ASTN2: variants seen among roughly 807,000 people sequenced by gnomAD.
ASTN2 encodes the protein astrotactin-2.
A neutral mutation model predicts 139.8 loss-of-function variants in ASTN2; 54 were observed. That is an observed-to-expected ratio of 0.39 (90% CI 0.31 to 0.48). ASTN2 has a LOEUF of 0.48. Ranked by LOEUF, ASTN2 falls within the 20% of genes least tolerant of loss-of-function variation. The pLI is 0.95. For synonymous variants in ASTN2, 756 were observed against 719.5 expected (o/e 1.05, Z -0.81); for missense variants, 1,565 against 1,725.1 (o/e 0.91, Z 1.64).
At chr9:117,250,856 G>A (rs1427072945) in intron 2 of ASTN2, among the ~76,000 whole-genome samples, 4 of 152,180 alleles carry the variant, frequency 2.6e-5, no homozygotes, top group African/African-American at 9.7e-5. Context: ...CTTCTAGGAG[G>A]AAGTAATATC....
chr9:116,733,372 G>GGGAA (rs1317989865), intron 14 of ASTN2, 27 bp downstream of exon 14: 1 of 1,580,140 alleles, frequency 6.3e-7, no homozygotes, highest in Non-Finnish European at 8.6e-7. Flanking sequence ...CAGGGAACCT[G>GGGAA]GGAAGGGTCT....
intron 16 of ASTN2, among the ~76,000 whole-genome samples, chr9:116,658,989 T>A (rs1437282621): frequency 1.3e-5 from 2 of 152,138 alleles, no homozygotes; most frequent in Admixed American, 6.6e-5. Flanking sequence ...ATAGATTAGA[T>A]GTGGTCTGCT....
rs564109778 is a variant in ASTN2, at chr9:117,278,039, G to A, written c.630+13287C>T. Among the ~76,000 whole-genome samples the A allele has an allele frequency of 4.6e-4, 70 of 152,248 alleles. No homozygotes were observed. In the South Asian group the frequency reaches 0.015, roughly 32 times the overall value. ...TTACAGGGGGTAAAAATAATTAGTG[G>A]TTTTAAATGCTTTAATACAAGCAGG... On this transcript the variant is annotated intron_variant, in intron 2 of 22. Coordinates refer to ENST00000313400, the MANE Select transcript of ASTN2 (RefSeq NM_001365068.1).
intron 13 of ASTN2, among the ~76,000 whole-genome samples, chr9:116,777,330 G>A (rs1223837455): frequency 6.6e-6 from 1 of 152,036 alleles, no homozygotes; most frequent in African/African-American, 2.4e-5. Flanking sequence ...CCTTCCTATG[G>A]GGCAGGTGTC....
intron 10 of ASTN2, among the ~76,000 whole-genome samples, chr9:116,870,536 G>C (rs992883449): frequency 6.6e-6 from 1 of 152,070 alleles, no homozygotes; most frequent in African/African-American, 2.4e-5. Context: ...ATATAACCCA[G>C]ACATTGTGCA....
chr9:117,336,770 G>A (rs1038431567), intron 1 of ASTN2, among the ~76,000 whole-genome samples: 3 of 152,156 alleles, frequency 2.0e-5, no homozygotes, highest in Non-Finnish European at 4.4e-5. Flanking sequence ...TTCCCATATG[G>A]CCCCACCCCT....
intron 2 of ASTN2, chr9:117,276,845 A>G (rs527322261): frequency 6.6e-6 from 1 of 152,222 alleles, no homozygotes; most frequent in African/African-American, 2.4e-5. Context: ...ATTTCACTTG[A>G]TGTACCACAA....
chr9:116,935,577 G>GA (rs967147559), intron 10 of ASTN2, among the ~76,000 whole-genome samples: 29 of 150,914 alleles, frequency 1.9e-4, no homozygotes, highest in African/African-American at 5.6e-4. Context: ...GCAAAAAAAA[G>GA]AAAAAAAAAG....
At chr9:116,946,423 A>C (rs1430551821) in intron 10 of ASTN2, among the ~76,000 whole-genome samples, 1 of 151,598 alleles carries the variant, frequency 6.6e-6, no homozygotes, top group Non-Finnish European at 1.5e-5. Context: ...CCCCAACTTA[A>C]ACTCCCCTCT....
At chr9:116,704,526 T>C (rs1369293194) in intron 16 of ASTN2, among the ~76,000 whole-genome samples, 1 of 152,216 alleles carries the variant, frequency 6.6e-6, no homozygotes, top group Non-Finnish European at 1.5e-5. Flanking sequence ...AATGGGATAG[T>C]ATATGTAAAA....
rs1847543038 is a variant in ASTN2 at position 116,432,920 on chromosome 9, A to G, written c.3783-6832T>C. Among the ~76,000 whole-genome samples the G allele has an allele frequency of 2.0e-5, 3 of 150,292 alleles. No individual in the cohort carries two copies. The South Asian group carries it at 7.5e-4, about 37-fold the overall frequency. The stretch of plus-strand genomic sequence containing the variant: ...ACTCCAGCCTGGGTGACAGAGCAAG[A>G]CTCCATCTTGGGGAAGGAAGGAAGG... On this transcript the variant is annotated intron_variant, in intron 22 of 22. Transcript: ENST00000313400.
At chr9:116,963,038 C>T (rs1835913844) in intron 10 of ASTN2, among the ~76,000 whole-genome samples, 1 of 152,138 alleles carries the variant, frequency 6.6e-6, no homozygotes, top group Admixed American at 6.5e-5. Context: ...CCATGAACTC[C>T]AGGAACACAT....
intron 16 of ASTN2, among the ~76,000 whole-genome samples, chr9:116,715,202 G>A (rs1012854880): frequency 6.6e-6 from 1 of 151,660 alleles, no homozygotes; most frequent in Non-Finnish European, 1.5e-5. Context: ...TTAATTTAAG[G>A]CATTGGAGAT....
intron 2 of ASTN2, among the ~76,000 whole-genome samples, chr9:117,254,627 C>T (rs1833633943): frequency 6.6e-6 from 1 of 152,130 alleles, no homozygotes; most frequent in Admixed American, 6.6e-5. Context: ...TAAATTATGT[C>T]CCATTGGGGC....
At chr9:117,393,866 T>TGGA (rs1361629308) in intron 1 of ASTN2, among the ~76,000 whole-genome samples, 1 of 151,448 alleles carries the variant, frequency 6.6e-6, no homozygotes, top group South Asian at 2.1e-4. Flanking sequence ...CTCTGGGATA[T>TGGA]GGAGGAGGAG....
At chr9:116,659,202 T>A (rs1025855852) in intron 16 of ASTN2, among the ~76,000 whole-genome samples, 1 of 152,190 alleles carries the variant, frequency 6.6e-6, no homozygotes, top group African/African-American at 2.4e-5. Context: ...TTTAATATAA[T>A]AATTAAATGA....
intron 5 of ASTN2, among the ~76,000 whole-genome samples, chr9:117,066,629 C>A (rs1329959647): frequency 1.3e-5 from 2 of 151,568 alleles, no homozygotes; most frequent in Non-Finnish European, 2.9e-5. Flanking sequence ...GTTTACAGTA[C>A]CACCAACAGT....
At chr9:116,812,522 T>A (rs139094049) in intron 12 of ASTN2, among the ~76,000 whole-genome samples, 1 of 152,262 alleles carries the variant, frequency 6.6e-6, no homozygotes, top group Non-Finnish European at 1.5e-5. Flanking sequence ...CCAGAAGGAA[T>A]GCAGCCCTGC....
At chr9:116,674,861 A>G (rs1859410230) in intron 16 of ASTN2, among the ~76,000 whole-genome samples, 1 of 152,162 alleles carries the variant, frequency 6.6e-6, no homozygotes, top group Admixed American at 6.5e-5. Context: ...CCCAGCCACC[A>G]AGTTATCCTT....
Sources: allele counts gnomAD v4.1 joint callset (sites outside exome capture counted in the v4.1 genomes callset), GRCh38; gene constraint gnomAD v4.1.1; transcripts MANE v1.5; gene names NCBI Gene and HGNC (gene_info 2026-07-23, HGNC 2026-07-21).